STK33: variants seen among roughly 807,000 people sequenced by gnomAD.
STK33 encodes serine/threonine kinase 33.
In STK33, 52 loss-of-function variants were observed where a neutral mutation model predicts 58.0. The observed-to-expected ratio is 0.90, with a 90% CI of 0.72 to 1.13. The LOEUF (loss-of-function observed/expected upper bound fraction) is 1.13. STK33 is among the 50% of genes most tolerant of loss of function. The pLI is 0.00. For missense variants in STK33, 630 were observed against 604.2 expected (o/e 1.04, Z -0.45); for synonymous variants, 215 against 200.1 (o/e 1.07, Z -0.63).
chr11:8,354,517 C>CCT, the STK33 span, among the ~76,000 whole-genome samples: 1 of 146,220 alleles, frequency 6.8e-6, no homozygotes, highest in Admixed American at 7.0e-5. Flanking sequence ...CACACACACA[C>CCT]CCCTCAGACA....
At chr11:8,551,728 C>T (rs1286384480) in intron 1 of STK33, among the ~76,000 whole-genome samples, 1 of 152,168 alleles carries the variant, frequency 6.6e-6, no homozygotes, top group Non-Finnish European at 1.5e-5. Context: ...TACCCCAGAA[C>T]TATATTGCTG....
chr11:8,522,103 T>G (rs1953506053), intron 1 of STK33, among the ~76,000 whole-genome samples: 1 of 152,226 alleles, frequency 6.6e-6, no homozygotes, highest in Non-Finnish European at 1.5e-5. Flanking sequence ...GAATACCATT[T>G]GACCCAGCCA....
intron 1 of STK33, among the ~76,000 whole-genome samples, chr11:8,488,658 A>G (rs1005586926): frequency 2.6e-5 from 4 of 152,128 alleles, no homozygotes; most frequent in African/African-American, 9.7e-5. Context: ...AACAATATAG[A>G]TTATAGTCTT....
At chr11:8,498,162 A>T (rs1053521189) in intron 1 of STK33, among the ~76,000 whole-genome samples, 5 of 152,202 alleles carry the variant, frequency 3.3e-5, no homozygotes, top group African/African-American at 1.2e-4. Context: ...CAGAAAAAAA[A>T]CATTTGACAA....
the STK33 span, among the ~76,000 whole-genome samples, chr11:8,349,060 G>C: frequency 6.6e-6 from 1 of 152,146 alleles, no homozygotes; most frequent in Non-Finnish European, 1.5e-5. Context: ...CTCTGCAGAG[G>C]AGCTCTCCAG....
chr11:8,500,618 G>T (rs985125770), intron 1 of STK33, among the ~76,000 whole-genome samples: 1 of 152,112 alleles, frequency 6.6e-6, no homozygotes, highest in Non-Finnish European at 1.5e-5. Context: ...TCCCCAAACT[G>T]ATCTACCAAT....
intron 5 of STK33, among the ~76,000 whole-genome samples, chr11:8,473,923 A>G (rs977377630): frequency 1.7e-4 from 26 of 152,216 alleles, no homozygotes; most frequent in Non-Finnish European, 3.4e-4. Flanking sequence ...CTGTAATCCC[A>G]GCACTTTGGG....
chr11:8,526,164 CG>C (rs1954004118), intron 1 of STK33, among the ~76,000 whole-genome samples: 1 of 151,926 alleles, frequency 6.6e-6, no homozygotes, highest in Admixed American at 6.6e-5. Context: ...TTTGGGAGGC[CG>C]AGGGAGGAAG....
At chr11:8,586,407 C>G (rs1269332942) in intron 1 of STK33, among the ~76,000 whole-genome samples, 1 of 152,100 alleles carries the variant, frequency 6.6e-6, no homozygotes, top group African/African-American at 2.4e-5. Context: ...TCTGCCTCAG[C>G]TTCCTCTTCC....
chr11:8,578,599 G>C (rs546139620), intron 1 of STK33, among the ~76,000 whole-genome samples: 20 of 150,792 alleles, frequency 1.3e-4, no homozygotes, highest in Admixed American at 1.3e-4. Context: ...ATTTTTGTAC[G>C]TGTAATTCAC....
the STK33 span, among the ~76,000 whole-genome samples, chr11:8,367,674 G>A: frequency 2.0e-5 from 3 of 152,194 alleles, no homozygotes; most frequent in African/African-American, 7.2e-5. Context: ...AATCTTCACA[G>A]CAACCCTACG....
At chr11:8,538,784 G>A (rs1220235299) in intron 1 of STK33, among the ~76,000 whole-genome samples, 1 of 152,134 alleles carries the variant, frequency 6.6e-6, no homozygotes, top group African/African-American at 2.4e-5. Flanking sequence ...AAGAATGAAC[G>A]ATAAACAGGA....
At chr11:8,568,217 T>C (rs976440965) in intron 1 of STK33, among the ~76,000 whole-genome samples, 1 of 152,210 alleles carries the variant, frequency 6.6e-6, no homozygotes, top group Non-Finnish European at 1.5e-5. Flanking sequence ...AAATTCATTT[T>C]AGTAATTCAC....
the STK33 span, among the ~76,000 whole-genome samples, chr11:8,361,720 T>C: frequency 6.6e-6 from 1 of 152,244 alleles, no homozygotes; most frequent in East Asian, 1.9e-4. The surrounding 1 kb of genome is among the most constrained non-coding windows in gnomAD (Gnocchi z 4.8). Flanking sequence ...CTGTCTTATC[T>C]GTACGTGGAG....
the STK33 span, among the ~76,000 whole-genome samples, chr11:8,356,215 G>A: frequency 1.1e-4 from 17 of 152,290 alleles, no homozygotes; most frequent in East Asian, 9.6e-4. Flanking sequence ...CAGGTATGAA[G>A]CTCACCCCAG....
At chr11:8,558,414 C>T (rs557892404) in intron 1 of STK33, among the ~76,000 whole-genome samples, 80 of 151,938 alleles carry the variant, frequency 5.3e-4, no homozygotes, top group African/African-American at 1.9e-3. Context: ...CACACACACA[C>T]ACACACACAC....
chr11:8,352,697 G>A, the STK33 span, among the ~76,000 whole-genome samples: 2 of 152,168 alleles, frequency 1.3e-5, no homozygotes, highest in African/African-American at 4.8e-5. Context: ...ACTCCATTTT[G>A]CCACATAAGT....
chr11:8,417,772 T>C (rs1941336002), intron 14 of STK33, among the ~76,000 whole-genome samples: 2 of 152,070 alleles, frequency 1.3e-5, no homozygotes, highest in South Asian at 2.1e-4. Context: ...TTTCACCTAA[T>C]AGATAGACAA....
intron 15 of STK33, among the ~76,000 whole-genome samples, chr11:8,409,730 T>C (rs1939884171): frequency 6.6e-6 from 1 of 152,278 alleles, no homozygotes; most frequent in Admixed American, 6.5e-5. Flanking sequence ...GGAAAATATA[T>C]GCAATTTTAG....
Sources: allele counts gnomAD v4.1 joint callset (sites outside exome capture counted in the v4.1 genomes callset), GRCh38; gene constraint gnomAD v4.1.1; non-coding constraint Gnocchi (gnomAD v3.1); transcripts MANE v1.5; gene names NCBI Gene and HGNC (gene_info 2026-07-23, HGNC 2026-07-21).